Variants in AGAP1 observed in about 807,000 individuals in gnomAD.
AGAP1 encodes ArfGAP with GTPase domain, ankyrin repeat and PH domain 1.
Under a neutral mutation model 105.3 loss-of-function variants are expected in AGAP1, and 29 were observed. That is an observed-to-expected ratio of 0.28 (90% CI 0.21 to 0.38). AGAP1 has a LOEUF of 0.38. Ranked by LOEUF, AGAP1 falls within the 10% of genes least tolerant of loss-of-function variation. AGAP1 has a pLI of 1.00. For synonymous variants in AGAP1, 509 were observed against 485.9 expected (o/e 1.05, Z -0.63); for missense variants, 998 against 1,165.1 (o/e 0.86, Z 2.09).
At position 235,521,013 on chromosome 2, in the gene AGAP1, A is replaced by G. The variant is rs1942591826; in HGVS notation, c.163+26164A>G. On this transcript the variant is annotated intron_variant, in intron 1 of 17. Coordinates refer to ENST00000304032, the MANE Select transcript of AGAP1 (RefSeq NM_001037131.3). ...AAAGATGGACAGATGCCCCAGGCTC[A>G]TGTGGTACATTGGTCATCTCTCTAG... Among the ~76,000 whole-genome samples, 2 of 152,218 alleles carry G rather than the reference A, an allele frequency of 1.3e-5. 1 individual carries two copies. The highest frequency in any genetic ancestry group is 4.1e-4 in the South Asian group (2 of 4,826).
At chr2:235,816,437 CAAAAAAAAAAA>C (rs79795818) in intron 9 of AGAP1, among the ~76,000 whole-genome samples, 3 of 97,930 alleles carry the variant, frequency 3.1e-5, no homozygotes, top group East Asian at 3.3e-4. Context: ...GACTCCGTCT[CAAAAAAAAAAA>C]AAAAAAAAAG....
intron 9 of AGAP1, among the ~76,000 whole-genome samples, chr2:235,826,096 C>T (rs1959047669): frequency 6.6e-6 from 1 of 152,186 alleles, no homozygotes; most frequent in African/African-American, 2.4e-5. Context: ...AACGTGGCGC[C>T]ATGCCCTGTG....
At position 235,964,402 on chromosome 2, in the gene AGAP1, G is replaced by T. The variant is rs2054306132; in HGVS notation, c.1484-4060G>T. ...GGCAAAGACAGTCACAGTGACCATT[G>T]TTTCCCATGGCCTGGCACCATACCT... On this transcript the variant is annotated intron_variant, in intron 12 of 17. Coordinates refer to ENST00000304032, the MANE Select transcript of AGAP1 (RefSeq NM_001037131.3). The surrounding 1 kb of genome is among the most constrained non-coding windows in gnomAD (Gnocchi z 4.6). Among the ~76,000 whole-genome samples the T allele has an allele frequency of 6.6e-6, 1 of 152,154 alleles. No individual in the cohort carries two copies. Among genetic ancestry groups the T allele is most frequent in the East Asian group, 1.9e-4 (1 of 5,186 alleles).
rs1191009788 is a variant in AGAP1 at position 236,005,345 on chromosome 2, T to C, written c.1646-31216T>C. On this transcript the variant is annotated intron_variant, in intron 13 of 17. Transcript: ENST00000304032. The surrounding 1 kb of genome is among the most constrained non-coding windows in gnomAD (Gnocchi z 4.1). ...TGGTAGAAACGTTGTTTCACCATGTTGCCCAGGCTGGTCTCAAACTCCTGA... is the reference window on the plus strand; with the variant it reads ...TGGTAGAAACGTTGTTTCACCATGTCGCCCAGGCTGGTCTCAAACTCCTGA... Among the ~76,000 whole-genome samples, 2 of 152,138 alleles carry C rather than the reference T, an allele frequency of 1.3e-5. No homozygotes were observed. Among genetic ancestry groups the C allele is most frequent in the Admixed American group, 6.5e-5 (1 of 15,268 alleles).
chr2:235,718,298 C>A lies in AGAP1; in HGVS notation c.310+654C>A. On this transcript the variant is annotated intron_variant, in intron 3 of 17. Transcript: ENST00000304032. ...CAGTTTTCTAAATGAAATTTTCTCT[C>A]CGTGTAACTTTGTTAAATCCAACTC... 2 of 881,500 alleles carry A rather than the reference C, an allele frequency of 2.3e-6. 1 individual carries two copies. Among genetic ancestry groups the A allele is most frequent in the South Asian group, 1.0e-4 (2 of 19,274 alleles). 54.6% of individuals were successfully genotyped at this position (881,500 alleles called of 1,614,324 possible). A position where few individuals can be genotyped will look rare whatever the true frequency, so the allele number is the denominator to read the frequency against.
In AGAP1 at chr2:235,842,653, T is replaced by C. The variant is rs1465587355; in HGVS notation, c.1050+35322T>C. ...AAGACCCACCTGTAGCAAGCCTCCA[T>C]GTGGATTTGAGTTTCTTACCCTATG... On this transcript the variant is annotated intron_variant, in intron 9 of 17. Transcript: ENST00000304032. The surrounding 1 kb of genome is among the most constrained non-coding windows in gnomAD (Gnocchi z 5.3). Among the ~76,000 whole-genome samples, 1 of 152,178 alleles carries C rather than the reference T, an allele frequency of 6.6e-6. No homozygotes were observed. The highest frequency in any genetic ancestry group is 2.4e-5 in the African/African-American group (1 of 41,448).
intron 3 of AGAP1, chr2:235,718,419 C>T (rs1394414815): frequency 1.7e-5 from 17 of 984,800 alleles, no homozygotes; most frequent in Non-Finnish European, 2.1e-5. Context: ...TTCATGGCAG[C>T]GCTTGTCTTG....
chr2:235,876,989 A>G (rs1014737495), intron 9 of AGAP1, among the ~76,000 whole-genome samples: 2 of 151,940 alleles, frequency 1.3e-5, no homozygotes, highest in African/African-American at 4.8e-5. Flanking sequence ...CTGGGATTAC[A>G]GGCATGCACC....
chr2:235,955,914 CAGAT>C (rs1217994502), intron 12 of AGAP1, among the ~76,000 whole-genome samples: 4 of 152,310 alleles, frequency 2.6e-5, no homozygotes, highest in Non-Finnish European at 2.9e-5. Context: ...CTTCCCCACT[CAGAT>C]AGGACACTTT....
At position 235,867,027 on chromosome 2, in the gene AGAP1, G is replaced by A. The variant is rs530331568; in HGVS notation, c.1051-16318G>A. 6.6e-6 allele frequency among the ~76,000 whole-genome samples: 1 copy of A among 152,314 alleles called. No individual in the cohort carries two copies. Among genetic ancestry groups the A allele is most frequent in the African/African-American group, 2.4e-5 (1 of 41,562 alleles). ...AATAGTCATCGTCTAAGGGATGGGC[G>A]TCGGGGGGTGCTTGCTTATGCGGAG... On this transcript the variant is annotated intron_variant, in intron 9 of 17. Coordinates refer to ENST00000304032, the MANE Select transcript of AGAP1 (RefSeq NM_001037131.3). This position sits in a 1 kb window ranked among gnomAD's most constrained non-coding sequence, Gnocchi z 5.4.
At chr2:235,995,741 T>C (rs2055784780) in intron 13 of AGAP1, among the ~76,000 whole-genome samples, 1 of 152,182 alleles carries the variant, frequency 6.6e-6, no homozygotes, top group Non-Finnish European at 1.5e-5. Context: ...TCCATCTCTC[T>C]GTCTCGGAGC....
At chr2:235,688,059 A>AC (rs1195480953) in intron 1 of AGAP1, among the ~76,000 whole-genome samples, 1 of 150,992 alleles carries the variant, frequency 6.6e-6, no homozygotes, top group Non-Finnish European at 1.5e-5. Flanking sequence ...GCACCACCAT[A>AC]CCCAGCTAAT....
intron 1 of AGAP1, among the ~76,000 whole-genome samples, chr2:235,539,949 G>A (rs1026133007): frequency 1.3e-5 from 2 of 152,082 alleles, no homozygotes; most frequent in Non-Finnish European, 2.9e-5. Flanking sequence ...CATCCACCGC[G>A]GTCCTCCTGG....
At chr2:235,902,722 G>A (rs1318363400) in intron 10 of AGAP1, among the ~76,000 whole-genome samples, 5 of 152,098 alleles carry the variant, frequency 3.3e-5, no homozygotes, top group Non-Finnish European at 7.4e-5. Context: ...CCAAAAAAGT[G>A]GCTGGTTCAG....
intron 9 of AGAP1, among the ~76,000 whole-genome samples, chr2:235,822,481 G>C (rs548189988): frequency 7.2e-5 from 11 of 152,144 alleles, no homozygotes; most frequent in African/African-American, 2.2e-4. Context: ...GTGAGGAAGA[G>C]CTGGAGAAGC....
rs182745365 is a variant in AGAP1 at position 235,550,684 on chromosome 2, C to T, written c.163+55835C>T. On this transcript the variant is annotated intron_variant, in intron 1 of 17. Transcript: ENST00000304032. The surrounding 1 kb of genome is among the most constrained non-coding windows in gnomAD (Gnocchi z 4.6). ...TCCACACCTGAGGCGTGGGGATCTC[C>T]GGGCATGATGCGGAATGTAGTGACG... Among the ~76,000 whole-genome samples the T allele has an allele frequency of 7.7e-4, 118 of 152,284 alleles. No homozygotes were observed. In the Middle Eastern group the frequency reaches 0.017, roughly 22 times the overall value.
rs370675920 is a variant in AGAP1, at chr2:235,728,537, G to T, written c.310+10893G>T. 5.9e-5 allele frequency among the ~76,000 whole-genome samples: 9 copies of T among 152,260 alleles called. No homozygotes were observed. In the East Asian group the frequency reaches 1.5e-3, roughly 26 times the overall value. ...GCACAGTGTTCAGGAGGATTCTGAG[G>T]CAGGGTCTGTGTGCAGGAGGAGTGC... On this transcript the variant is annotated intron_variant, in intron 3 of 17. Transcript: ENST00000304032. This position sits in a 1 kb window ranked among gnomAD's most constrained non-coding sequence, Gnocchi z 4.3.
chr2:235,583,922 C>G (rs1040668717), intron 1 of AGAP1, among the ~76,000 whole-genome samples: 1 of 149,926 alleles, frequency 6.7e-6, no homozygotes, highest in Non-Finnish European at 1.5e-5. Flanking sequence ...CCAGGCTGGT[C>G]TTTGAACTCC....
intron 2 of AGAP1, among the ~76,000 whole-genome samples, chr2:235,710,627 C>T (rs1240356987): frequency 6.6e-6 from 1 of 152,232 alleles, no homozygotes; most frequent in Non-Finnish European, 1.5e-5. Flanking sequence ...CTGGAAAGAG[C>T]CGCCTCTTTC....
Sources: gnomAD v4.1 joint callset for allele counts (sites outside exome capture counted in the v4.1 genomes callset) on GRCh38, gnomAD v4.1.1 for gene constraint, Gnocchi (gnomAD v3.1) non-coding constraint, MANE v1.5 for transcripts, NCBI Gene and HGNC (gene_info 2026-07-23, HGNC 2026-07-21) for gene names.